The following SNTB2 variants were observed in gnomAD, a reference collection of about 807,000 sequenced individuals.
The protein encoded by SNTB2 is beta-2-syntrophin.
Under a neutral mutation model 46.2 loss-of-function variants are expected in SNTB2, and 34 were observed. The ratio of observed to expected loss-of-function variants is 0.74; its 90% CI spans 0.56 to 0.98. SNTB2 has a LOEUF of 0.98. SNTB2 is among the 50% of genes least tolerant of loss of function. The pLI is 0.00. For missense variants in SNTB2, 603 were observed against 731.4 expected (o/e 0.82, Z 2.02); for synonymous variants, 290 against 312.6 (o/e 0.93, Z 0.76).
intron 1 of SNTB2, among the ~76,000 whole-genome samples, chr16:69,224,589 T>G (rs1964441462): frequency 6.6e-6 from 1 of 152,212 alleles, no homozygotes; most frequent in Admixed American, 6.5e-5. Context: ...CCAGTAATTT[T>G]AGCATAAATC....
chr16:69,272,775 C>A (rs1964950591), intron 4 of SNTB2, among the ~76,000 whole-genome samples: 1 of 150,744 alleles, frequency 6.6e-6, no homozygotes, highest in African/African-American at 2.4e-5. Context: ...ACTATAATCC[C>A]AGCTACTTGG....
rs1247351270 is a variant in SNTB2 at position 69,255,492 on chromosome 16, G to A, written c.795-4558G>A. Among the ~76,000 whole-genome samples, 9 of 151,722 alleles carry A rather than the reference G, an allele frequency of 5.9e-5. No homozygotes were observed. In the East Asian group the frequency reaches 1.5e-3, roughly 26 times the overall value. ...AAAGAATGGCGTGAACCTGGGAGGC[G>A]GAGCTTGCAGTGAGCCGAGATCACG... On this transcript the variant is annotated intron_variant, in intron 2 of 6. Coordinates refer to ENST00000336278, the MANE Select transcript of SNTB2 (RefSeq NM_006750.4).
chr16:69,215,953 C>T (rs1365027612), intron 1 of SNTB2, among the ~76,000 whole-genome samples: 2 of 152,058 alleles, frequency 1.3e-5, no homozygotes, highest in Admixed American at 1.3e-4. Flanking sequence ...CCGGTATGCA[C>T]CACTGTGCCT....
At chr16:69,248,839 A>G (rs1240453083) in intron 2 of SNTB2, among the ~76,000 whole-genome samples, 3 of 150,066 alleles carry the variant, frequency 2.0e-5, no homozygotes, top group Non-Finnish European at 1.5e-5. Flanking sequence ...AGATACATTT[A>G]TACAGAGCCC....
chr16:69,215,145 A>T (rs1378978278), intron 1 of SNTB2, among the ~76,000 whole-genome samples: 3 of 152,202 alleles, frequency 2.0e-5, no homozygotes, highest in African/African-American at 7.2e-5. Flanking sequence ...GACGTGAGCC[A>T]CTGTGCCCGG....
chr16:69,284,351 C>T (rs1423497517), intron 5 of SNTB2, 107 bp downstream of exon 5: 3 of 824,228 alleles, frequency 3.6e-6, no homozygotes, highest in Non-Finnish European at 5.4e-6. Flanking sequence ...TACATGACAG[C>T]AGTCCCCTCA....
intron 1 of SNTB2, among the ~76,000 whole-genome samples, chr16:69,244,029 C>G (rs1386448937): frequency 6.6e-6 from 1 of 151,958 alleles, no homozygotes; most frequent in African/African-American, 2.4e-5. Flanking sequence ...AGAAAGGTAC[C>G]TACTGTATTT....
chr16:69,230,294 A>G (rs1964495085), intron 1 of SNTB2: 1 of 152,128 alleles, frequency 6.6e-6, no homozygotes, highest in Non-Finnish European at 1.5e-5. Flanking sequence ...TTTAATATAT[A>G]AAACTTAGAG....
In SNTB2 at chr16:69,303,904, G is replaced by A. The variant is rs1454120491; in HGVS notation, c.*2980G>A. On this transcript the variant is annotated 3_prime_UTR_variant, in exon 7 of 7. Coordinates refer to ENST00000336278, the MANE Select transcript of SNTB2 (RefSeq NM_006750.4). ...TTTTTCATTTTGAATTAAGAAAATT[G>A]TTGAGGATGTGGTGGGTTCCAGTGT... The A allele has an allele frequency of 6.6e-6, 1 of 152,176 alleles. No individual in the cohort carries two copies. Among genetic ancestry groups the A allele is most frequent in the African/African-American group, 2.4e-5 (1 of 41,420 alleles). 9.4% of individuals were successfully genotyped at this position (152,176 alleles called of 1,614,324 possible). A position where few individuals can be genotyped will look rare whatever the true frequency, so the allele number is the denominator to read the frequency against.
At position 69,196,376 on chromosome 16, in the gene SNTB2, CTTTTTTTTTTT is replaced by C. The variant is rs533787609; in HGVS notation, c.580+8636_580+8646del. On this transcript the variant is annotated intron_variant, in intron 1 of 6. Transcript: ENST00000336278. ...ACAACTTTGTTTTTCTTTTCTTTTTCTTTTTTTTTTTTTTTTGAGATGGGGTTTGGCCCTGT... is the reference window on the plus strand; with the variant it reads ...ACAACTTTGTTTTTCTTTTCTTTTTCTTTTTGAGATGGGGTTTGGCCCTGT... Among the ~76,000 whole-genome samples the C allele has an allele frequency of 2.2e-5, 3 of 134,640 alleles. No individual in the cohort carries two copies. The East Asian group carries it at 6.4e-4, about 29-fold the overall frequency. 88.3% of individuals were successfully genotyped at this position (134,640 alleles called of 152,430 possible).
chr16:69,245,801 G>A lies in SNTB2; in HGVS notation c.780G>A (p.Pro260=), dbSNP rs780157197. ...MCFAARNLSM[P]DLENRLIELH... Reference sequence around the variant, plus strand: ...TTGCTGCTAGAAACCTAAGCATGCCGGATCTGGAAAACAGGTGAGGTGTAC... The same window carrying A: ...TTGCTGCTAGAAACCTAAGCATGCCAGATCTGGAAAACAGGTGAGGTGTAC... Residue 260 remains proline (P), a synonymous_variant, in exon 2 of 7, where the codon CCG becomes CCA. Transcript: ENST00000336278. The A allele has an allele frequency of 4.3e-6, 7 of 1,613,782 alleles. No homozygotes were observed. Among genetic ancestry groups the A allele is most frequent in the African/African-American group, 2.7e-5 (2 of 74,852 alleles).
At chr16:69,292,417 A>ATT (rs1439149320) in intron 5 of SNTB2, among the ~76,000 whole-genome samples, 2 of 17,338 alleles carry the variant, frequency 1.2e-4, no homozygotes, top group African/African-American at 8.7e-4. Context: ...TTATATATAT[A>ATT]TTATATATAT....
At chr16:69,290,137 T>TA (rs955157270) in intron 5 of SNTB2, among the ~76,000 whole-genome samples, 1 of 152,190 alleles carries the variant, frequency 6.6e-6, no homozygotes, top group African/African-American at 2.4e-5. Context: ...AGGCTATAGT[T>TA]ACAGTAGAGC....
chr16:69,270,840 A>C (rs936394325), intron 4 of SNTB2, among the ~76,000 whole-genome samples: 1 of 152,260 alleles, frequency 6.6e-6, no homozygotes, highest in South Asian at 2.1e-4. Context: ...AGAGAAATTT[A>C]GACTTGGGAG....
At chr16:69,237,880 G>A (rs755829825) in intron 1 of SNTB2, among the ~76,000 whole-genome samples, 2 of 152,112 alleles carry the variant, frequency 1.3e-5, no homozygotes, top group East Asian at 1.9e-4. Flanking sequence ...TGGGATTACC[G>A]GCATGAGCCA....
At chr16:69,219,262 A>G (rs189234067) in intron 1 of SNTB2, among the ~76,000 whole-genome samples, 2 of 152,318 alleles carry the variant, frequency 1.3e-5, no homozygotes, top group East Asian at 3.9e-4. Context: ...GAAAGATTAA[A>G]TAACCTAAGG....
At position 69,223,889 on chromosome 16, in the gene SNTB2, C is replaced by T. The variant is rs757208257; in HGVS notation, c.581-21713C>T. On this transcript the variant is annotated intron_variant, in intron 1 of 6. Coordinates refer to ENST00000336278, the MANE Select transcript of SNTB2 (RefSeq NM_006750.4). ...TCGTGATCCACCCGCCTCAGCCTCC[C>T]GAAGTGTTGGGATTACAGGCGTGAG... is the stretch of plus-strand genomic sequence containing the variant. Among the ~76,000 whole-genome samples, 9 of 152,186 alleles carry T rather than the reference C, an allele frequency of 5.9e-5. No homozygotes were observed. In the South Asian group the frequency reaches 1.0e-3, roughly 18 times the overall value.
intron 1 of SNTB2, 78 bp from the exon 2 acceptor site, chr16:69,245,524 T>G: frequency 7.5e-7 from 1 of 1,341,792 alleles, no homozygotes; most frequent in African/African-American, 1.4e-5. Context: ...AGATATAGCA[T>G]GTATGTGAAT....
intron 5 of SNTB2, among the ~76,000 whole-genome samples, chr16:69,290,426 G>T (rs1965149299): frequency 6.6e-6 from 1 of 152,102 alleles, no homozygotes. Context: ...CTAAGAAGCA[G>T]TAAATATAGG....
Sources: gnomAD v4.1 joint callset for allele counts (sites outside exome capture counted in the v4.1 genomes callset) on GRCh38, gnomAD v4.1.1 for gene constraint, MANE v1.5 for transcripts, NCBI Gene and HGNC (gene_info 2026-07-23, HGNC 2026-07-21) for gene names.